Variants in PODXL2 observed in about 807,000 individuals in gnomAD.
PODXL2 encodes podocalyxin-like protein 2.
Under a neutral mutation model 53.4 loss-of-function variants are expected in PODXL2, and 17 were observed. That is an observed-to-expected ratio of 0.32 (90% CI 0.22 to 0.48). The LOEUF (loss-of-function observed/expected upper bound fraction) is 0.48, where lower values mean the gene tolerates loss of function less well. PODXL2 is among the 20% of genes least tolerant of loss of function. The pLI, the probability that PODXL2 is intolerant of heterozygous loss-of-function variation, is 0.99. For synonymous variants in PODXL2, 311 were observed against 306.7 expected (o/e 1.01, Z -0.15); for missense variants, 673 against 760.0 (o/e 0.89, Z 1.35).
At chr3:127,665,759 GAC>G (rs2074792205) in intron 4 of PODXL2, among the ~76,000 whole-genome samples, 1 of 152,246 alleles carries the variant, frequency 6.6e-6, no homozygotes, top group African/African-American at 2.4e-5. Flanking sequence ...AAGCAGCGTT[GAC>G]ACAGTGATGA....
chr3:127,640,321 G>A (rs901952765), intron 2 of PODXL2, among the ~76,000 whole-genome samples: 5 of 151,906 alleles, frequency 3.3e-5, no homozygotes, highest in Non-Finnish European at 7.4e-5. Context: ...TTTTAAAATA[G>A]GTAATATTTA....
intron 6 of PODXL2, 81 bp downstream of exon 6, chr3:127,669,283 C>T: frequency 1.0e-6 from 1 of 987,782 alleles, no homozygotes. Flanking sequence ...AGGAGTCTGC[C>T]CACATCGTGA....
chr3:127,666,009 A>G, intron 4 of PODXL2: 1 of 436,664 alleles, frequency 2.3e-6, no homozygotes, highest in Non-Finnish European at 4.6e-6. Flanking sequence ...AGAACTGAGC[A>G]ATATGGATCT....
At chr3:127,635,967 G>T (rs1441632220) in intron 1 of PODXL2, among the ~76,000 whole-genome samples, 1 of 152,236 alleles carries the variant, frequency 6.6e-6, no homozygotes, top group African/African-American at 2.4e-5. Context: ...GCTCTCTTCT[G>T]CATGGGCTCC....
At position 127,672,369 on chromosome 3, in the gene PODXL2, C is replaced by T. The variant is rs781153880; in HGVS notation, c.1707C>T (p.Pro569=). Residue 569 remains proline, a synonymous_variant, in exon 8 of 8, where the codon CCC becomes CCT. Coordinates refer to ENST00000342480, the MANE Select transcript of PODXL2 (RefSeq NM_015720.4). Reference sequence around the variant, plus strand: ...AGTCGGAGATGCAGGAGAAGCACCCCAGCCTGAACGGCGGCGGGGCCCTCA... The same window carrying T: ...AGTCGGAGATGCAGGAGAAGCACCCTAGCCTGAACGGCGGCGGGGCCCTCA... ...DSQSEMQEKH[P]SLNGGGALNG... 1.9e-6 allele frequency: 3 copies of T among 1,548,806 alleles called. No homozygotes were observed. Among genetic ancestry groups the T allele is most frequent in the East Asian group, 2.4e-5 (1 of 41,098 alleles).
chr3:127,632,074 A>AG (rs1475311923), intron 1 of PODXL2, among the ~76,000 whole-genome samples: 1 of 152,244 alleles, frequency 6.6e-6, no homozygotes, highest in East Asian at 1.9e-4. Context: ...TGGAAATGAC[A>AG]GGGAAGGGGC....
intron 6 of PODXL2, among the ~76,000 whole-genome samples, chr3:127,670,815 C>T (rs2107546745): frequency 6.6e-6 from 1 of 152,354 alleles, no homozygotes; most frequent in East Asian, 1.9e-4. Flanking sequence ...ATCTCCTTGG[C>T]CAGAGAAGGC....
At chr3:127,631,355 A>T (rs1214705178) in intron 1 of PODXL2, among the ~76,000 whole-genome samples, 1 of 152,170 alleles carries the variant, frequency 6.6e-6, no homozygotes, top group Admixed American at 6.5e-5. Context: ...CCGGGAGCAG[A>T]TCACAGGGAC....
intron 2 of PODXL2, among the ~76,000 whole-genome samples, chr3:127,656,843 G>C (rs1337325046): frequency 1.3e-5 from 2 of 150,552 alleles, no homozygotes; most frequent in African/African-American, 2.4e-5. Context: ...TCAGGAGTTC[G>C]AGACCAGCCT....
In PODXL2 at chr3:127,672,563, C is replaced by T. The variant is rs1394863325; in HGVS notation, c.*83C>T. On this transcript the variant is annotated 3_prime_UTR_variant, in exon 8 of 8. Coordinates refer to ENST00000342480, the MANE Select transcript of PODXL2 (RefSeq NM_015720.4). ...ACGGACGGCCCGGAGCCCGCACCAG[C>T]CCCGCGCCTACCCGGGCCGCCCCCG... The T allele has an allele frequency of 8.6e-6, 8 of 925,488 alleles. No homozygotes were observed. The highest frequency in any genetic ancestry group is 1.2e-5 in the Non-Finnish European group (8 of 664,572). 57.3% of individuals were successfully genotyped at this position (925,488 alleles called of 1,614,324 possible).
At chr3:127,634,394 C>T (rs1429184008) in intron 1 of PODXL2, among the ~76,000 whole-genome samples, 2 of 150,750 alleles carry the variant, frequency 1.3e-5, no homozygotes, top group East Asian at 2.0e-4. Context: ...CATTGCACTC[C>T]AGCCTGGGCA....
intron 1 of PODXL2, among the ~76,000 whole-genome samples, chr3:127,635,558 G>T (rs2074572525): frequency 6.6e-6 from 1 of 152,200 alleles, no homozygotes; most frequent in Non-Finnish European, 1.5e-5. Context: ...GGCTATTTCT[G>T]TGTAATAAAT....
chr3:127,633,928 G>A (rs938905921), intron 1 of PODXL2, among the ~76,000 whole-genome samples: 1 of 151,780 alleles, frequency 6.6e-6, no homozygotes, highest in East Asian at 1.9e-4. Flanking sequence ...TCAAGCAGAA[G>A]AGCATATGCA....
At chr3:127,631,899 C>T (rs1055904245) in intron 1 of PODXL2, among the ~76,000 whole-genome samples, 1 of 152,100 alleles carries the variant, frequency 6.6e-6, no homozygotes, top group Non-Finnish European at 1.5e-5. Context: ...CGGGAAAATA[C>T]CAGATTCCTT....
At chr3:127,630,337 T>A (rs942784178) in intron 1 of PODXL2, among the ~76,000 whole-genome samples, 4 of 152,226 alleles carry the variant, frequency 2.6e-5, no homozygotes, top group Non-Finnish European at 5.9e-5. Flanking sequence ...TGTGCATGTG[T>A]GCCTGTGCAC....
chr3:127,660,635 G>C lies in PODXL2; in HGVS notation c.607G>C (p.Val203Leu). 5 of 1,614,198 alleles carry C rather than the reference G, an allele frequency of 3.1e-6. No individual in the cohort carries two copies. The highest frequency in any genetic ancestry group is 4.2e-6 in the Non-Finnish European group (5 of 1,180,034). Residue 203 changes from valine (V) to leucine (L), a missense_variant, in exon 3 of 8, where the codon GTC (valine) becomes CTC (leucine). Around this residue, in one of 3 missense-constraint regions of PODXL2, gnomAD observed 588 missense variants for 668.3 expected, o/e 0.88. Coordinates refer to ENST00000342480, the MANE Select transcript of PODXL2 (RefSeq NM_015720.4). The stretch of plus-strand genomic sequence containing the variant: ...ATCCCAAGAAGAAGCCAAGCCTCAG[G>C]TCCGTGACTTTTCTCTCACCAGCAG... ...NGSQEEAKPQ[V>L]RDFSLTSSSQ...
chr3:127,644,531 C>T (rs908672492), intron 2 of PODXL2, among the ~76,000 whole-genome samples: 3 of 150,964 alleles, frequency 2.0e-5, no homozygotes, highest in Non-Finnish European at 4.4e-5. Context: ...AGAGCATTGG[C>T]CTCAGGACCA....
At chr3:127,653,199 C>T (rs1023583035) in intron 2 of PODXL2, among the ~76,000 whole-genome samples, 3 of 152,220 alleles carry the variant, frequency 2.0e-5, no homozygotes, top group African/African-American at 7.2e-5. Context: ...ACCTTCCTCC[C>T]TGTCTCTCAA....
rs2074759103 is a variant in PODXL2, at chr3:127,660,572, G to C, written c.544G>C (p.Glu182Gln). 6.2e-7 allele frequency: 1 copy of C among 1,613,838 alleles called. No individual in the cohort carries two copies. The highest frequency in any genetic ancestry group is 1.3e-5 in the African/African-American group (1 of 74,916). The change falls in exon 3 of 8, where the codon GAG becomes CAG. Residue 182 changes from glutamate to glutamine, a missense_variant. Glu to Gln is a conservative substitution (Grantham distance 29). This residue lies in a region of PODXL2 where 588 missense variants were observed against 668.3 expected (regional missense o/e 0.88). Transcript: ENST00000342480. ...GGAGAAGGAAGAGGTAGAGAAACAA[G>C]AGGAGGAGGAAGAGGAGGAGCTGCT... Reference protein sequence around the residue: ...EREKEEVEKQEEEEEEELLPV... With the variant: ...EREKEEVEKQQEEEEEELLPV...
Sources: allele counts gnomAD v4.1 joint callset (sites outside exome capture counted in the v4.1 genomes callset), GRCh38; gene constraint gnomAD v4.1.1; regional missense constraint gnomAD v4.1.1; transcripts MANE v1.5; gene names NCBI Gene and HGNC (gene_info 2026-07-23, HGNC 2026-07-21).